Variants in KLRD1 observed in about 807,000 individuals in gnomAD.
KLRD1 encodes the protein killer cell lectin like receptor D1.
KLRD1 carries 21 observed loss-of-function variants against 22.6 expected under a neutral mutation model. That is an observed-to-expected ratio of 0.93 (90% CI 0.66 to 1.34). The LOEUF (loss-of-function observed/expected upper bound fraction) is 1.34, where lower values mean the gene tolerates loss of function less well. Among genes scored for constraint, KLRD1 ranks in the 40% most tolerant of loss-of-function variants. The pLI is 0.00. For synonymous variants in KLRD1, 59 were observed against 71.1 expected (o/e 0.83, Z 0.85); for missense variants, 183 against 208.6 (o/e 0.88, Z 0.76).
intron 5 of KLRD1, among the ~76,000 whole-genome samples, chr12:10,314,056 A>G (rs1294229476): frequency 6.6e-6 from 1 of 152,196 alleles, no homozygotes; most frequent in Admixed American, 6.5e-5. Context: ...AAGTGACATG[A>G]AATTTAGTGT....
intron 1 of KLRD1, among the ~76,000 whole-genome samples, chr12:10,284,199 T>TAACAAC (rs575422907): frequency 1.0e-4 from 15 of 147,468 alleles, no homozygotes; most frequent in African/African-American, 3.4e-4. Context: ...AAAACAACAG[T>TAACAAC]AACAACAACA....
chr12:10,285,672 G>A (rs184388819), intron 1 of KLRD1, among the ~76,000 whole-genome samples: 2 of 152,058 alleles, frequency 1.3e-5, no homozygotes, highest in East Asian at 1.9e-4. Context: ...CACATTATCC[G>A]AAGAAAATTC....
intron 1 of KLRD1, among the ~76,000 whole-genome samples, chr12:10,291,387 C>T (rs1264577714): frequency 6.6e-6 from 1 of 152,174 alleles, no homozygotes; most frequent in Non-Finnish European, 1.5e-5. Context: ...TTGCATTTTA[C>T]CCACAGTAGA....
intron 1 of KLRD1, among the ~76,000 whole-genome samples, chr12:10,299,119 T>C (rs994933747): frequency 6.6e-6 from 1 of 152,136 alleles, no homozygotes; most frequent in Non-Finnish European, 1.5e-5. Flanking sequence ...GGATTTACTC[T>C]GTGTAAACAA....
In KLRD1 at chr12:10,327,637, C is replaced by A. The variant is rs1188430932; in HGVS notation, c.*12844C>A. 3 of 152,090 alleles carry A rather than the reference C, an allele frequency of 2.0e-5. No individual in the cohort carries two copies. The highest frequency in any genetic ancestry group is 4.4e-5 in the Non-Finnish European group (3 of 67,990). 9.4% of individuals were successfully genotyped at this position (152,090 alleles called of 1,614,324 possible). ...TAGGCAAACAGGGACCATTGTACTT[C>A]TTCTTTTACAATCTGTATGTTGTTA... On this transcript the variant is annotated 3_prime_UTR_variant, in exon 6 of 6. Coordinates refer to ENST00000336164, the MANE Select transcript of KLRD1 (RefSeq NM_002262.5).
chr12:10,293,278 C>A (rs937839133), intron 1 of KLRD1, among the ~76,000 whole-genome samples: 1 of 150,014 alleles, frequency 6.7e-6, no homozygotes, highest in Non-Finnish European at 1.5e-5. Flanking sequence ...ACAGGCCTTT[C>A]GGCCTATGTG....
At chr12:10,300,759 C>T (rs7966462), upstream of KLRD1, among the ~76,000 whole-genome samples, 137,110 of 152,304 alleles carry the variant, frequency 0.9, 63,295 homozygotes, top group Non-Finnish European at 1. Flanking sequence ...GAAGTCTGCA[C>T]TAAAAATATG....
chr12:10,259,024 A>G (rs1022944782), intron 1 of KLRD1, among the ~76,000 whole-genome samples: 2 of 152,172 alleles, frequency 1.3e-5, no homozygotes, highest in Non-Finnish European at 2.9e-5. Flanking sequence ...GATGGGAAAG[A>G]GAAACACTAG....
In KLRD1 at chr12:10,318,879, T is replaced by C. The variant is rs1950283006; in HGVS notation, c.*4086T>C. 1 of 150,466 alleles carries C rather than the reference T, an allele frequency of 6.6e-6. No homozygotes were observed. Among genetic ancestry groups the C allele is most frequent in the African/African-American group, 2.5e-5 (1 of 40,636 alleles). The allele number at this position is 150,466 out of a possible 1,614,324, so 9.3% of individuals were successfully genotyped here. On this transcript the variant is annotated 3_prime_UTR_variant, in exon 6 of 6. Transcript: ENST00000336164. ...AAAAAAAAAAAAAGCTTTTCATAAG[T>C]ATGCTCATTAGAACCTTATAATTCA...
chr12:10,314,600 C>T, intron 5 of KLRD1, 73 bp from the exon 6 acceptor site: 1 of 1,346,264 alleles, frequency 7.4e-7, no homozygotes, highest in Non-Finnish European at 9.9e-7. Flanking sequence ...AAATTTATAT[C>T]ATTTAATTGA....
Position 10,324,834 on chromosome 12 carries a change from ATATATATATT to A in KLRD1, c.*10042_*10051del, listed in dbSNP as rs1386402438. On this transcript the variant is annotated 3_prime_UTR_variant, in exon 6 of 6. Transcript: ENST00000336164. ...TGTGTGTGTGTATATATATATATAT[ATATATATATT>A]CATTTACACAGTTGATTCTAAGTGT... 7.1e-6 allele frequency: 1 copy of A among 141,566 alleles called. No homozygotes were observed. Among genetic ancestry groups the A allele is most frequent in the African/African-American group, 2.5e-5 (1 of 39,654 alleles). 8.8% of individuals were successfully genotyped at this position (141,566 alleles called of 1,614,324 possible).
At chr12:10,309,886 T>C (rs1210503278) in intron 3 of KLRD1, among the ~76,000 whole-genome samples, 198 bp downstream of exon 3, 2 of 152,204 alleles carry the variant, frequency 1.3e-5, no homozygotes, top group Non-Finnish European at 2.9e-5. Flanking sequence ...CATTTGTACA[T>C]TTAACTAATC....
chr12:10,289,594 TG>T (rs1949746271), intron 1 of KLRD1, among the ~76,000 whole-genome samples: 1 of 152,220 alleles, frequency 6.6e-6, no homozygotes, highest in African/African-American at 2.4e-5. Flanking sequence ...AACATTATTT[TG>T]TTTCTTTCGG....
In KLRD1 at chr12:10,313,967, G is replaced by A. The variant is rs142220409; in HGVS notation, c.419+454G>A. Among the ~76,000 whole-genome samples the A allele has an allele frequency of 4.7e-3, 719 of 152,254 alleles. 9 individuals carry two copies. The highest frequency in any genetic ancestry group is 0.016 in the African/African-American group (669 of 41,546). On this transcript the variant is annotated intron_variant, in intron 5 of 5. Coordinates refer to ENST00000336164, the MANE Select transcript of KLRD1 (RefSeq NM_002262.5). ...ATATCTTTTGTCAGTTAACTGAAGTGCATTTTTCCTAAATCAATCTTCATA... is the reference window on the plus strand; with the variant it reads ...ATATCTTTTGTCAGTTAACTGAAGTACATTTTTCCTAAATCAATCTTCATA...
At chr12:10,243,607 C>CA (rs34864670) in intron 1 of KLRD1, among the ~76,000 whole-genome samples, 20,797 of 28,704 alleles carry the variant, frequency 0.72, 8,142 homozygotes, top group South Asian at 0.82. Flanking sequence ...AGTGAGACTC[C>CA]AAAAAAAAAA....
At chr12:10,254,775 C>T (rs1363516080) in intron 1 of KLRD1, among the ~76,000 whole-genome samples, 1 of 152,012 alleles carries the variant, frequency 6.6e-6, no homozygotes, top group African/African-American at 2.4e-5. Flanking sequence ...TGCCTGTAAT[C>T]CCAGCTACTC....
chr12:10,283,678 A>G (rs1274237819), intron 1 of KLRD1, among the ~76,000 whole-genome samples: 1 of 152,072 alleles, frequency 6.6e-6, no homozygotes, highest in African/African-American at 2.4e-5. Flanking sequence ...CAGTGGCTCC[A>G]TTGACTCCAC....
chr12:10,271,365 T>C (rs1005774758), intron 1 of KLRD1, among the ~76,000 whole-genome samples: 3 of 152,208 alleles, frequency 2.0e-5, no homozygotes, highest in African/African-American at 7.2e-5. Flanking sequence ...TACACCATTC[T>C]AAGTCATCGT....
chr12:10,282,722 G>T (rs2537789), intron 1 of KLRD1, among the ~76,000 whole-genome samples: 1,718 of 152,280 alleles, frequency 0.011, 40 homozygotes, highest in African/African-American at 0.039. Context: ...TACAAAGTTA[G>T]AAGATGTGTT....
Sources: allele counts gnomAD v4.1 joint callset (sites outside exome capture counted in the v4.1 genomes callset), GRCh38; gene constraint gnomAD v4.1.1; transcripts MANE v1.5; gene names NCBI Gene and HGNC (gene_info 2026-07-23, HGNC 2026-07-21).